Variants in HERC4 observed in about 807,000 individuals in gnomAD.
HERC4 encodes the protein HECT and RLD domain containing E3 ubiquitin protein ligase 4.
Under a neutral mutation model 124.3 loss-of-function variants are expected in HERC4, and 28 were observed. That is an observed-to-expected ratio of 0.23 (90% CI 0.17 to 0.31). The LOEUF (loss-of-function observed/expected upper bound fraction) is 0.31. Ranked by LOEUF, HERC4 falls within the 10% of genes least tolerant of loss-of-function variation. The pLI is 1.00. For missense variants in HERC4, 713 were observed against 1,229.3 expected, an observed-to-expected ratio of 0.58 and a Z score of 6.28; for synonymous variants, 407 against 421.5, an observed-to-expected ratio of 0.97 and a Z score of 0.42.
intron 8 of HERC4, among the ~76,000 whole-genome samples, 165 bp downstream of exon 8, chr10:68,025,381 T>C (rs548002852): frequency 6.6e-6 from 1 of 152,160 alleles, no homozygotes; most frequent in East Asian, 1.9e-4. Context: ...AAAATAACAG[T>C]AAAAAAGATG....
intron 3 of HERC4, chr10:68,069,593 T>C (rs769126814): frequency 5.2e-5 from 51 of 985,316 alleles, no homozygotes; most frequent in Non-Finnish European, 5.9e-5. Flanking sequence ...AGTAGGTTAT[T>C]ATGAATCTCG....
At chr10:67,927,032 C>CT (rs2031062276) in intron 23 of HERC4, among the ~76,000 whole-genome samples, 2 of 152,042 alleles carry the variant, frequency 1.3e-5, no homozygotes, top group South Asian at 4.1e-4. Context: ...TTGGACTTTC[C>CT]TTATTTGTAG....
intron 3 of HERC4, among the ~76,000 whole-genome samples, chr10:68,051,717 T>C (rs916317129): frequency 2.0e-5 from 3 of 147,544 alleles, no homozygotes; most frequent in Non-Finnish European, 4.5e-5. Flanking sequence ...TGAGACAGGA[T>C]CTCACTCTGT....
intron 7 of HERC4, among the ~76,000 whole-genome samples, chr10:68,030,900 A>G (rs1328246848): frequency 6.6e-6 from 1 of 152,226 alleles, no homozygotes; most frequent in Non-Finnish European, 1.5e-5. Flanking sequence ...GTTGGTTTTA[A>G]AATCTTTCCT....
intron 3 of HERC4, among the ~76,000 whole-genome samples, chr10:68,059,051 T>TA: frequency 6.6e-6 from 1 of 152,236 alleles, no homozygotes; most frequent in Admixed American, 6.5e-5. Context: ...TTTCCTTGTT[T>TA]AAAAAACCCA....
chr10:67,957,586 T>C (rs529253586), intron 16 of HERC4, among the ~76,000 whole-genome samples: 14 of 152,188 alleles, frequency 9.2e-5, no homozygotes, highest in Non-Finnish European at 1.8e-4. Flanking sequence ...ATATATTGAT[T>C]GCTAAGTATT....
Position 68,034,059 on chromosome 10 carries a change from T to G in HERC4, c.591A>C (p.Ala197=), listed in dbSNP as rs61755701. 2 of 1,614,144 alleles carry G rather than the reference T, an allele frequency of 1.2e-6. No homozygotes were observed. Among genetic ancestry groups the G allele is most frequent in the South Asian group, 2.2e-5 (2 of 91,084 alleles). ...TGAGTACAAAACTATGGGCTCCTCC[T>G]GCTGCAACTTGCATGAAAGGGATTC... ...LLGIPFMQVA[A]GGAHSFVLTL... is the part of the protein sequence containing the mutation. Residue 197 remains alanine (A), a synonymous_variant, in exon 6 of 25, where the codon GCA becomes GCC. Coordinates refer to ENST00000373700, the MANE Select transcript of HERC4 (RefSeq NM_015601.4).
At position 68,005,431 on chromosome 10, in the gene HERC4, T is replaced by C. The variant is rs1281880746; in HGVS notation, c.1069+8595A>G. ...TATTTTCAGTGTATGTGTGTCTTTA[T>C]AGGTGAAGTGTGTTTCTTTGCAGGG... On this transcript the variant is annotated intron_variant, in intron 9 of 24. Transcript: ENST00000373700. Among the ~76,000 whole-genome samples, 5 of 152,356 alleles carry C rather than the reference T, an allele frequency of 3.3e-5. No individual in the cohort carries two copies. In the South Asian group the frequency reaches 8.3e-4, roughly 25 times the overall value.
chr10:67,923,255 TATC>T, intron 24 of HERC4, 116 bp from the exon 25 acceptor site: 1 of 687,984 alleles, frequency 1.5e-6, no homozygotes. Flanking sequence ...TCTAACGTGT[TATC>T]TTACTTCCTA....
At chr10:67,927,233 T>C (rs1391882332) in intron 23 of HERC4, among the ~76,000 whole-genome samples, 8 of 151,824 alleles carry the variant, frequency 5.3e-5, no homozygotes, top group Admixed American at 2.6e-4. Flanking sequence ...AGTTTTTTTT[T>C]CTTTTAAATC....
chr10:68,008,914 T>C (rs911979893), intron 9 of HERC4, among the ~76,000 whole-genome samples: 3 of 152,170 alleles, frequency 2.0e-5, no homozygotes, highest in Middle Eastern at 3.2e-3. Context: ...GGTTTCATAG[T>C]GCACATAAAA....
intron 15 of HERC4, among the ~76,000 whole-genome samples, chr10:67,977,853 T>C (rs938382700): frequency 3.3e-5 from 5 of 150,998 alleles, no homozygotes; most frequent in African/African-American, 1.2e-4. Context: ...CAATGTCACA[T>C]GCCTGTAGTC....
rs1031427501 is a variant in HERC4 at position 68,020,562 on chromosome 10, C to T, written c.908+4984G>A. On this transcript the variant is annotated intron_variant, in intron 8 of 24. Coordinates refer to ENST00000373700, the MANE Select transcript of HERC4 (RefSeq NM_015601.4). ...CGGGCAGATCACGAGGTCAGGAGAT[C>T]GAGACCACCCCGGCTAAAAAAACGG... Among the ~76,000 whole-genome samples the T allele has an allele frequency of 2.0e-5, 3 of 151,740 alleles. No homozygotes were observed. The East Asian group carries it at 5.8e-4, about 29-fold the overall frequency.
chr10:67,960,989 T>C, intron 16 of HERC4: 1 of 361,054 alleles, frequency 2.8e-6, no homozygotes, highest in Non-Finnish European at 5.2e-6. Context: ...CTTGCGGATT[T>C]GGCGGACCTG....
At chr10:68,027,782 G>A (rs113592732) in intron 7 of HERC4, among the ~76,000 whole-genome samples, 2,601 of 152,046 alleles carry the variant, frequency 0.017, 34 homozygotes, top group South Asian at 0.027. Context: ...AATTAGCTGG[G>A]CGTAGTGGTG....
At chr10:68,009,276 T>C (rs947952341) in intron 9 of HERC4, among the ~76,000 whole-genome samples, 1 of 151,400 alleles carries the variant, frequency 6.6e-6, no homozygotes, top group East Asian at 1.9e-4. Context: ...TTGACAAGAG[T>C]TGGTTTTTCT....
intron 9 of HERC4, among the ~76,000 whole-genome samples, chr10:68,001,200 G>A (rs1235053883): frequency 3.3e-5 from 5 of 151,764 alleles, no homozygotes; most frequent in East Asian, 1.9e-4. Context: ...GTGAGACCCC[G>A]TCTCTACAAA....
Position 68,036,820 on chromosome 10 carries a change from CCTT to C in HERC4, c.463+1270_463+1272del, listed in dbSNP as rs1392458074. Among the ~76,000 whole-genome samples the C allele has an allele frequency of 7.2e-4, 109 of 152,232 alleles. 2 individuals are homozygous for C. The highest frequency in any genetic ancestry group is 2.5e-3 in the African/African-American group (102 of 41,548). ...GACTTGCATCAAATACTAATCCCCT[CCTT>C]ATTATTACCAATTATATCAATTAGA... On this transcript the variant is annotated intron_variant, in intron 5 of 24. Transcript: ENST00000373700.
intron 10 of HERC4, 138 bp from the exon 11 acceptor site, chr10:67,992,461 G>A (rs183705126): frequency 8.1e-5 from 100 of 1,228,152 alleles, no homozygotes; most frequent in Middle Eastern, 2.8e-4. Flanking sequence ...CTATCAAATA[G>A]ATCAGAAAAA....
Sources: allele counts gnomAD v4.1 joint callset (sites outside exome capture counted in the v4.1 genomes callset), GRCh38; gene constraint gnomAD v4.1.1; transcripts MANE v1.5; gene names NCBI Gene and HGNC (gene_info 2026-07-23, HGNC 2026-07-21).